ZNF407: variants seen among roughly 807,000 people sequenced by gnomAD.
ZNF407 encodes zinc finger protein 407.
Under a neutral mutation model 131.2 loss-of-function variants are expected in ZNF407, and 17 were observed. The ratio of observed to expected loss-of-function variants is 0.13; its 90% CI spans 0.09 to 0.19. ZNF407 has a LOEUF of 0.19. ZNF407 is among the 10% of genes least tolerant of loss of function. The pLI is 1.00. For missense variants in ZNF407, 2,681 were observed against 2,830.6 expected, an observed-to-expected ratio of 0.95 and a Z score of 1.20; for synonymous variants, 1,156 against 1,062.0, an observed-to-expected ratio of 1.09 and a Z score of -1.72.
chr18:75,003,878 A>T (rs1010999316), intron 8 of ZNF407, among the ~76,000 whole-genome samples: 6 of 152,210 alleles, frequency 3.9e-5, no homozygotes, highest in Admixed American at 1.3e-4. Context: ...AACCTTCTAC[A>T]GACACTTACA....
rs949976667 is a variant in ZNF407 at position 74,635,826 on chromosome 18, G to C, written c.4687+120G>C. ...TCCACCCGGTTCACATTTCACTGCC[G>C]TGTGCTGCTCTGCTTGTCTGCAATA... On this transcript the variant is annotated intron_variant, in intron 2 of 8. Transcript: ENST00000299687. This position sits in a 1 kb window ranked among gnomAD's most constrained non-coding sequence, Gnocchi z 4.7. 4 of 1,350,050 alleles carry C rather than the reference G, an allele frequency of 3.0e-6. No individual in the cohort carries two copies. The highest frequency in any genetic ancestry group is 1.5e-5 in the South Asian group (1 of 66,564). 83.6% of individuals were successfully genotyped at this position (1,350,050 alleles called of 1,614,324 possible). A position where few individuals can be genotyped will look rare whatever the true frequency, so the allele number is the denominator to read the frequency against.
At chr18:74,850,344 A>G (rs1339899252) in intron 4 of ZNF407, among the ~76,000 whole-genome samples, 3 of 152,130 alleles carry the variant, frequency 2.0e-5, no homozygotes, top group Admixed American at 2.0e-4. Context: ...TCTCCTAAAA[A>G]ACTTGAGATG....
At chr18:74,641,163 G>A in intron 3 of ZNF407, 41 bp downstream of exon 3, 1 of 1,497,682 alleles carries the variant, frequency 6.7e-7, no homozygotes, top group Non-Finnish European at 9.3e-7. Flanking sequence ...GAACCAGGAA[G>A]CATGTGCAGG....
At chr18:74,894,983 AT>A (rs1404934427) in intron 7 of ZNF407, among the ~76,000 whole-genome samples, 3 of 150,422 alleles carry the variant, frequency 2.0e-5, no homozygotes, top group Admixed American at 6.6e-5. Context: ...ATCTTTCTCT[AT>A]TTTTCTTTTT....
chr18:74,823,969 A>C (rs111686969), intron 4 of ZNF407, among the ~76,000 whole-genome samples: 284 of 152,312 alleles, frequency 1.9e-3, no homozygotes, highest in African/African-American at 6.6e-3. Flanking sequence ...GAATTAAAAC[A>C]TTCCTCAGCA....
intron 3 of ZNF407, among the ~76,000 whole-genome samples, chr18:74,777,004 A>G (rs1969486687): frequency 6.6e-6 from 1 of 152,070 alleles, no homozygotes; most frequent in South Asian, 2.1e-4. Context: ...CAGAGGTGGG[A>G]GAAAATCGTA....
intron 3 of ZNF407, among the ~76,000 whole-genome samples, chr18:74,732,186 G>A (rs1310496311): frequency 6.6e-6 from 1 of 152,092 alleles, no homozygotes; most frequent in African/African-American, 2.4e-5. Context: ...GTACATCTTG[G>A]GAAAATGAAT....
At chr18:74,942,241 G>C (rs1206925043) in intron 8 of ZNF407, among the ~76,000 whole-genome samples, 1 of 152,238 alleles carries the variant, frequency 6.6e-6, no homozygotes, top group Non-Finnish European at 1.5e-5. Context: ...AAGCTGTGAA[G>C]TGCGCTGCAG....
chr18:74,912,324 TG>T (rs1450799855), intron 7 of ZNF407, among the ~76,000 whole-genome samples: 5 of 152,080 alleles, frequency 3.3e-5, no homozygotes, highest in Admixed American at 6.6e-5. Context: ...CACTGTCCCG[TG>T]AGTGATTTTG....
Position 75,038,041 on chromosome 18 carries a change from A to G in ZNF407, c.5429-25109A>G, listed in dbSNP as rs530967605. On this transcript the variant is annotated intron_variant, in intron 8 of 8. Transcript: ENST00000299687. ...TCAGCAAATCATAACGTGAAGACTAATTAACTTCAAACTCAAATCTTAACA... is the reference window on the plus strand; with the variant it reads ...TCAGCAAATCATAACGTGAAGACTAGTTAACTTCAAACTCAAATCTTAACA... Among the ~76,000 whole-genome samples the G allele has an allele frequency of 2.0e-5, 3 of 152,342 alleles. No homozygotes were observed. The South Asian group carries it at 6.2e-4, about 32-fold the overall frequency.
At chr18:74,853,573 G>A (rs1970819139) in intron 4 of ZNF407, among the ~76,000 whole-genome samples, 1 of 152,120 alleles carries the variant, frequency 6.6e-6, no homozygotes, top group Admixed American at 6.5e-5. Flanking sequence ...AATTTAATAT[G>A]CCTGTGATCT....
chr18:74,825,167 C>A (rs1159840576), intron 4 of ZNF407, among the ~76,000 whole-genome samples: 1 of 152,160 alleles, frequency 6.6e-6, no homozygotes. Context: ...AGCACCCTTT[C>A]ATGCTAAAAA....
At chr18:74,728,347 C>G (rs911651611) in intron 3 of ZNF407, among the ~76,000 whole-genome samples, 1 of 152,070 alleles carries the variant, frequency 6.6e-6, no homozygotes, top group Admixed American at 6.5e-5. Flanking sequence ...TAGGTTTGGG[C>G]TATTTGATGA....
Position 75,048,283 on chromosome 18 carries a change from A to C in ZNF407, c.5429-14867A>C, listed in dbSNP as rs1973459106. Among the ~76,000 whole-genome samples the C allele has an allele frequency of 6.6e-6, 1 of 152,148 alleles. No individual in the cohort carries two copies. The highest frequency in any genetic ancestry group is 2.1e-4 in the South Asian group (1 of 4,824). On this transcript the variant is annotated intron_variant, in intron 8 of 8. Coordinates refer to ENST00000299687, the MANE Select transcript of ZNF407 (RefSeq NM_017757.3). This position sits in a 1 kb window ranked among gnomAD's most constrained non-coding sequence, Gnocchi z 4.1. ...TTCTGGTATTATGCGTCAGAGGCCT[A>C]ATTTTTGTCTACATGGTATTTCTTT... is the stretch of plus-strand genomic sequence containing the variant.
chr18:74,785,098 C>T lies in ZNF407; in HGVS notation c.4877+3596C>T, dbSNP rs112100442. 3.1e-3 allele frequency among the ~76,000 whole-genome samples: 469 copies of T among 152,234 alleles called. 2 individuals carry two copies. The highest frequency in any genetic ancestry group is 0.011 in the African/African-American group (446 of 41,526). Reference sequence around the variant, plus strand: ...CCAAAGAAGAATTTTAAATTAGATGCGTGTGTCATAAAGTATAAGCGTTAA... The same window carrying T: ...CCAAAGAAGAATTTTAAATTAGATGTGTGTGTCATAAAGTATAAGCGTTAA... On this transcript the variant is annotated intron_variant, in intron 4 of 8. Transcript: ENST00000299687.
intron 4 of ZNF407, among the ~76,000 whole-genome samples, chr18:74,831,548 G>C (rs1416312617): frequency 1.3e-5 from 2 of 152,096 alleles, no homozygotes; most frequent in Non-Finnish European, 2.9e-5. Flanking sequence ...ATTTCACATA[G>C]CATAATATCC....
intron 3 of ZNF407, among the ~76,000 whole-genome samples, chr18:74,680,534 A>T (rs1966958842): frequency 6.6e-6 from 1 of 152,180 alleles, no homozygotes; most frequent in South Asian, 2.1e-4. Flanking sequence ...GAAAGTGAAA[A>T]GTGCTTATTG....
At chr18:74,769,015 T>G (rs1377739878) in intron 3 of ZNF407, among the ~76,000 whole-genome samples, 1 of 152,166 alleles carries the variant, frequency 6.6e-6, no homozygotes, top group African/African-American at 2.4e-5. Context: ...ATTGTCATCA[T>G]TATCATCATC....
intron 3 of ZNF407, among the ~76,000 whole-genome samples, chr18:74,669,115 T>C (rs1232713721): frequency 6.6e-6 from 1 of 152,104 alleles, no homozygotes; most frequent in Non-Finnish European, 1.5e-5. Flanking sequence ...GTGGTTGGCG[T>C]CCTCATCCAC....
Sources: allele counts gnomAD v4.1 joint callset (sites outside exome capture counted in the v4.1 genomes callset), GRCh38; gene constraint gnomAD v4.1.1; non-coding constraint Gnocchi (gnomAD v3.1); transcripts MANE v1.5; gene names NCBI Gene and HGNC (gene_info 2026-07-23, HGNC 2026-07-21).